Variants in PCA3 observed in about 807,000 individuals in gnomAD.
PCA3 encodes prostate cancer associated 3.
chr9:76,771,562 T>A (rs1399448369), intron 2 of PCA3, among the ~76,000 whole-genome samples: 1 of 152,214 alleles, frequency 6.6e-6, no homozygotes, highest in East Asian at 1.9e-4. Flanking sequence ...AGTGGTAGGG[T>A]AATAATGGCT....
At chr9:76,765,366 A>G (rs13295396) in intron 2 of PCA3, among the ~76,000 whole-genome samples, 1 of 152,204 alleles carries the variant, frequency 6.6e-6, no homozygotes, top group Admixed American at 6.5e-5. Flanking sequence ...AAAGATAAGA[A>G]TAGGTAAATA....
intron 2 of PCA3, among the ~76,000 whole-genome samples, chr9:76,775,668 T>A (rs1056135104): frequency 5.9e-5 from 9 of 152,242 alleles, no homozygotes; most frequent in Non-Finnish European, 1.2e-4. Context: ...ATGCAAGGAA[T>A]GTTATCTCTT....
rs560459946 is a variant in PCA3, at chr9:76,769,436, ATGT to A, written n.852+32826_852+32828del. On this transcript the variant is annotated intron_variant and non_coding_transcript_variant, in intron 2 of 5. Transcript: ENST00000644657. ...GCTTTCCATTTCTTCCAAGTGAAAAATGTTGTTAAGAGTTTCGCTCTTCTTGCC... is the reference window on the plus strand; with the variant it reads ...GCTTTCCATTTCTTCCAAGTGAAAAATGTTAAGAGTTTCGCTCTTCTTGCC... 1.1e-3 allele frequency among the ~76,000 whole-genome samples: 168 copies of A among 152,230 alleles called. 3 individuals carry two copies. The South Asian group carries it at 0.018, about 17-fold the overall frequency.
chr9:76,765,485 G>A (rs1371161958), intron 2 of PCA3, among the ~76,000 whole-genome samples: 1 of 152,210 alleles, frequency 6.6e-6, no homozygotes, highest in Admixed American at 6.5e-5. Context: ...AAGGCATACA[G>A]AATAGAGACA....
Position 76,775,796 on chromosome 9 carries a change from A to T in PCA3, n.853-32787A>T, listed in dbSNP as rs376625884. ...CCCAGAAAAAGCACAAGGATTGCTC[A>T]CCCGGCCTTCATGCCGGCTATGCAG... On this transcript the variant is annotated intron_variant and non_coding_transcript_variant, in intron 2 of 5. Transcript: ENST00000644657. Among the ~76,000 whole-genome samples the T allele has an allele frequency of 2.7e-4, 41 of 152,310 alleles. 1 individual carries two copies. In the South Asian group the frequency reaches 8.3e-3, roughly 31 times the overall value.
chr9:76,768,585 G>GTA (rs1026039094), intron 2 of PCA3, among the ~76,000 whole-genome samples: 3 of 64,094 alleles, frequency 4.7e-5, no homozygotes, highest in Non-Finnish European at 5.7e-5. Flanking sequence ...GTATATGTAT[G>GTA]TGTGTGTGTG....
intron 2 of PCA3, among the ~76,000 whole-genome samples, chr9:76,768,579 A>ATGTGTG (rs1491333441): frequency 9.9e-6 from 1 of 100,510 alleles, no homozygotes; most frequent in African/African-American, 3.2e-5. Flanking sequence ...ATATATGTAT[A>ATGTGTG]TGTATGTGTG....
chr9:76,780,652 C>T (rs1346708288), intron 2 of PCA3, among the ~76,000 whole-genome samples: 3 of 152,188 alleles, frequency 2.0e-5, no homozygotes, highest in Non-Finnish European at 4.4e-5. Context: ...GATCGCCCCA[C>T]TGCACTCCAG....
chr9:76,780,475 C>T (rs1250023674), intron 2 of PCA3, among the ~76,000 whole-genome samples: 3 of 151,990 alleles, frequency 2.0e-5, no homozygotes, highest in African/African-American at 7.3e-5. Context: ...ATCACGAGGC[C>T]AGGAGATCAA....
chr9:76,782,137 C>T (rs2054481671), intron 2 of PCA3, among the ~76,000 whole-genome samples: 3 of 152,044 alleles, frequency 2.0e-5, no homozygotes, highest in African/African-American at 7.2e-5. Context: ...TGGCATGAAC[C>T]CGGGAGGTGG....
At chr9:76,771,490 T>C (rs748213757) in intron 2 of PCA3, among the ~76,000 whole-genome samples, 5 of 152,100 alleles carry the variant, frequency 3.3e-5, no homozygotes, top group Admixed American at 6.5e-5. Flanking sequence ...ACTGCAGCAA[T>C]GTGACATGAA....
intron 2 of PCA3, chr9:76,779,628 C>G (rs1376044280): frequency 6.6e-6 from 1 of 152,150 alleles, no homozygotes; most frequent in Non-Finnish European, 1.5e-5. Context: ...ACCTCCATGA[C>G]AGGAATCTGA....
intron 2 of PCA3, among the ~76,000 whole-genome samples, chr9:76,769,598 T>C (rs2052862799): frequency 6.6e-6 from 1 of 152,198 alleles, no homozygotes; most frequent in Non-Finnish European, 1.5e-5. Flanking sequence ...GCTAATTTTC[T>C]ATTTTTAGTA....
chr9:76,774,450 CTTTTTTTTTTTTTT>C (rs869289049), intron 2 of PCA3, among the ~76,000 whole-genome samples: 4 of 41,402 alleles, frequency 9.7e-5, no homozygotes, highest in African/African-American at 5.7e-4. Context: ...CAGTTCAACC[CTTTTTTTTTTTTTT>C]TTTTTTTTTT....
chr9:76,777,634 TGA>T (rs1407345441), intron 2 of PCA3, among the ~76,000 whole-genome samples: 1 of 152,184 alleles, frequency 6.6e-6, no homozygotes, highest in Non-Finnish European at 1.5e-5. Context: ...CCTACCCTCG[TGA>T]AAGTCACATT....
intron 2 of PCA3, among the ~76,000 whole-genome samples, chr9:76,767,396 A>G (rs879408260): frequency 2.4e-4 from 36 of 152,080 alleles, no homozygotes; most frequent in Non-Finnish European, 4.1e-4. Flanking sequence ...GGTTGCAGTG[A>G]GACAAGATTG....
chr9:76,775,441 C>T (rs923580639), intron 2 of PCA3, among the ~76,000 whole-genome samples: 4 of 151,368 alleles, frequency 2.6e-5, no homozygotes, highest in Non-Finnish European at 4.4e-5. Context: ...GGACTACAGG[C>T]ATGCACTACC....
intron 2 of PCA3, among the ~76,000 whole-genome samples, chr9:76,782,058 C>A (rs948586917): frequency 6.6e-6 from 1 of 152,018 alleles, no homozygotes; most frequent in Non-Finnish European, 1.5e-5. Flanking sequence ...ACTAAAAATA[C>A]AAAAAATTAG....
chr9:76,771,570 G>C (rs1222974935), intron 2 of PCA3, among the ~76,000 whole-genome samples: 1 of 152,148 alleles, frequency 6.6e-6, no homozygotes, highest in Non-Finnish European at 1.5e-5. Context: ...GGTAATAATG[G>C]CTACTTTATC....
Sources: allele counts gnomAD v4.1 joint callset (sites outside exome capture counted in the v4.1 genomes callset), GRCh38; gene constraint gnomAD v4.1.1; transcripts MANE v1.5; gene names NCBI Gene and HGNC (gene_info 2026-07-23, HGNC 2026-07-21).